WDFY4: variants seen among roughly 807,000 people sequenced by gnomAD.
The protein encoded by WDFY4 is WDFY family member 4.
A neutral mutation model predicts 351.9 loss-of-function variants in WDFY4; 169 were observed. The ratio of observed to expected loss-of-function variants is 0.48; its 90% CI spans 0.42 to 0.55. The LOEUF (loss-of-function observed/expected upper bound fraction) is 0.55, where lower values mean the gene tolerates loss of function less well. Ranked by LOEUF, WDFY4 falls within the 20% of genes least tolerant of loss-of-function variation. WDFY4 has a pLI of 0.00. For synonymous variants in WDFY4, 1,622 were observed against 1,574.6 expected, an observed-to-expected ratio of 1.03 and a Z score of -0.71; for missense variants, 3,803 against 3,935.6, an observed-to-expected ratio of 0.97 and a Z score of 0.90.
chr10:48,755,101 C>T (rs1470101633), intron 12 of WDFY4, among the ~76,000 whole-genome samples: 1 of 152,150 alleles, frequency 6.6e-6, no homozygotes, highest in African/African-American at 2.4e-5. Context: ...CTTTTCTCCA[C>T]CCTATCCTCG....
intron 47 of WDFY4, among the ~76,000 whole-genome samples, chr10:48,927,393 G>A (rs540985392): frequency 3.5e-4 from 54 of 152,308 alleles, no homozygotes; most frequent in African/African-American, 9.4e-4. Context: ...GGGAATATGT[G>A]TGAGAAGTTT....
chr10:48,821,173 A>G lies in WDFY4; in HGVS notation c.5821A>G (p.Arg1941Gly). ...AAGTGGAGGTGATGCAGCGATGTTC[A>G]GAGGTGAGTGGGGCAACTCGGTCCC... ...MTSGGDAAMF[R>G]DGKEPQPSAE... Residue 1941 changes from arginine (R) to glycine (G), a missense_variant, in exon 34 of 62, where the codon AGA becomes GGA. Arg to Gly is a moderately radical substitution (Grantham distance 125). Transcript: ENST00000325239. 1 of 1,550,856 alleles carries G rather than the reference A, an allele frequency of 6.4e-7. No homozygotes were observed. Among genetic ancestry groups the G allele is most frequent in the Non-Finnish European group, 8.7e-7 (1 of 1,146,204 alleles).
chr10:48,964,704 C>T (rs1590005168), intron 54 of WDFY4, among the ~76,000 whole-genome samples: 1 of 152,240 alleles, frequency 6.6e-6, no homozygotes, highest in East Asian at 1.9e-4. Flanking sequence ...GGCTCTGTCT[C>T]CTGTCAAGAT....
At chr10:48,731,018 C>G (rs2064441306) in intron 8 of WDFY4, 92 bp from the exon 9 acceptor site, 2 of 1,362,680 alleles carry the variant, frequency 1.5e-6, no homozygotes, top group Non-Finnish European at 9.8e-7. Flanking sequence ...ACAGAAACTT[C>G]AAATGGCATG....
At chr10:48,928,440 C>T (rs996451875) in intron 47 of WDFY4, among the ~76,000 whole-genome samples, 98 of 150,748 alleles carry the variant, frequency 6.5e-4, no homozygotes, top group African/African-American at 2.1e-3. Context: ...GATGGGACCA[C>T]ACAACTGACC....
intron 23 of WDFY4, among the ~76,000 whole-genome samples, chr10:48,791,521 T>A (rs1377606143): frequency 2.6e-5 from 4 of 152,214 alleles, no homozygotes; most frequent in Non-Finnish European, 4.4e-5. Context: ...TTGTGATGAC[T>A]GTGTTTATAT....
chr10:48,927,434 C>T (rs1035826282), intron 47 of WDFY4, among the ~76,000 whole-genome samples: 2 of 152,182 alleles, frequency 1.3e-5, no homozygotes, highest in African/African-American at 4.8e-5. Flanking sequence ...CTTATTCCAG[C>T]ACTTCTGTGG....
intron 30 of WDFY4, among the ~76,000 whole-genome samples, chr10:48,812,977 C>A (rs1265830662): frequency 6.6e-6 from 1 of 152,190 alleles, no homozygotes; most frequent in East Asian, 1.9e-4. Flanking sequence ...CCTACTTAGA[C>A]CCCCAGACAG....
chr10:48,959,576 A>G (rs10776660), intron 52 of WDFY4, 146 bp from the exon 53 acceptor site: 384,650 of 735,054 alleles, frequency 0.52, 102,345 homozygotes, highest in Non-Finnish European at 0.55. Flanking sequence ...GGCAGAGAAG[A>G]TTGAAAGCAG....
At chr10:48,946,010 G>A in intron 49 of WDFY4, 30 bp from the exon 50 acceptor site, 1 of 1,481,740 alleles carries the variant, frequency 6.7e-7, no homozygotes. Flanking sequence ...GGTCTGGGGA[G>A]TTAACTCCAG....
At chr10:48,865,061 T>A (rs967078313) in intron 39 of WDFY4, among the ~76,000 whole-genome samples, 2 of 152,194 alleles carry the variant, frequency 1.3e-5, no homozygotes, top group Admixed American at 6.5e-5. Flanking sequence ...TTCTTTTTCT[T>A]GTCTGGTTGT....
chr10:48,743,111 C>G lies in WDFY4; in HGVS notation c.2022C>G (p.Pro674=). 2 of 1,551,718 alleles carry G rather than the reference C, an allele frequency of 1.3e-6. No homozygotes were observed. The part of the protein sequence containing the change: ...PPLQAWGAVS[P]RQTLELVLYT... ...TGCAGGCATGGGGAGCAGTATCCCC[C>G]AGACAGACCCTGGAGCTGGTTTTGT... Residue 674 remains proline (P), a synonymous_variant, in exon 12 of 62, where the codon CCC becomes CCG. Transcript: ENST00000325239.
In WDFY4 at chr10:48,897,483, G is replaced by A. The variant is rs1358818154; in HGVS notation, c.7346G>A (p.Cys2449Tyr). The A allele has an allele frequency of 6.4e-7, 1 of 1,551,678 alleles. No individual in the cohort carries two copies. The highest frequency in any genetic ancestry group is 1.2e-5 in the South Asian group (1 of 84,066). ...NISDPFIFNL[C>Y]SKDRSTDHYS... is the part of the protein sequence containing the mutation. ...AGCGATCCGTTCATTTTCAACCTGTGCAGCAAAGACAGGTCCACTGACCAT... is the reference window on the plus strand; with the variant it reads ...AGCGATCCGTTCATTTTCAACCTGTACAGCAAAGACAGGTCCACTGACCAT... Residue 2449 changes from cysteine (C) to tyrosine (Y), a missense_variant, in exon 45 of 62, where the codon TGC becomes TAC. This residue lies in a region of WDFY4 where 3,054 missense variants were observed against 3,148.6 expected (regional missense o/e 0.97). Transcript: ENST00000325239.
intron 1 of WDFY4, among the ~76,000 whole-genome samples, chr10:48,685,469 A>C (rs2063017923): frequency 6.6e-6 from 1 of 152,088 alleles, no homozygotes; most frequent in Admixed American, 6.5e-5. Context: ...TTGGAGGGCC[A>C]TTTCCAACGG....
chr10:48,952,668 C>A (rs1225288234), intron 51 of WDFY4, among the ~76,000 whole-genome samples: 1 of 152,084 alleles, frequency 6.6e-6, no homozygotes, highest in African/African-American at 2.4e-5. Flanking sequence ...ACGTGCCCAC[C>A]CTCCTCCTCC....
intron 35 of WDFY4, among the ~76,000 whole-genome samples, chr10:48,825,993 C>A (rs1482240180): frequency 6.6e-6 from 1 of 152,148 alleles, no homozygotes; most frequent in African/African-American, 2.4e-5. Context: ...GCTTTTGTTG[C>A]AACTGCTTTT....
chr10:48,725,007 G>A (rs1375966842), intron 5 of WDFY4, among the ~76,000 whole-genome samples: 4 of 152,170 alleles, frequency 2.6e-5, no homozygotes, highest in African/African-American at 9.7e-5. Flanking sequence ...GAGAGCTGAG[G>A]GTTGTCAGGG....
At chr10:48,920,012 G>A (rs1027350607) in intron 47 of WDFY4, among the ~76,000 whole-genome samples, 2 of 151,910 alleles carry the variant, frequency 1.3e-5, no homozygotes, top group African/African-American at 4.8e-5. Flanking sequence ...CCTCAACATA[G>A]TATTAGCAAA....
intron 23 of WDFY4, among the ~76,000 whole-genome samples, chr10:48,795,174 C>T (rs925310206): frequency 3.3e-5 from 5 of 151,616 alleles, no homozygotes; most frequent in East Asian, 3.9e-4. Context: ...GAATGCAACA[C>T]GTTTGTTAAT....
Sources: gnomAD v4.1 joint callset for allele counts (sites outside exome capture counted in the v4.1 genomes callset) on GRCh38, gnomAD v4.1.1 for gene constraint, gnomAD v4.1.1 regional missense constraint, MANE v1.5 for transcripts, NCBI Gene and HGNC (gene_info 2026-07-23, HGNC 2026-07-21) for gene names.